Variants in CTNND2 observed in about 807,000 individuals in gnomAD.
CTNND2 encodes catenin delta-2.
In CTNND2, 22 loss-of-function variants were observed where a neutral mutation model predicts 144.4. The ratio of observed to expected loss-of-function variants is 0.15; its 90% CI spans 0.11 to 0.22. The LOEUF (loss-of-function observed/expected upper bound fraction) is 0.22, where lower values mean the gene tolerates loss of function less well. CTNND2 is among the 10% of genes least tolerant of loss of function. The pLI is 1.00. For synonymous variants in CTNND2, 751 were observed against 695.6 expected, an observed-to-expected ratio of 1.08 and a Z score of -1.25; for missense variants, 1,353 against 1,618.8, an observed-to-expected ratio of 0.84 and a Z score of 2.82.
chr5:11,715,782 A>C lies in CTNND2; in HGVS notation c.174+16354T>G, dbSNP rs116730363. The stretch of plus-strand genomic sequence containing the variant: ...TAGTTAGAATGCATTTGGTTGCGAC[A>C]GAAGGTCAATGTGAGCTAGTTTAAG... On this transcript the variant is annotated intron_variant, in intron 2 of 21. Transcript: ENST00000304623. Among the ~76,000 whole-genome samples the C allele has an allele frequency of 4.0e-3, 606 of 152,356 alleles. 6 individuals carry two copies. Among genetic ancestry groups the C allele is most frequent in the African/African-American group, 0.014 (576 of 41,588 alleles).
chr5:11,090,741 G>C (rs991280589), intron 15 of CTNND2, among the ~76,000 whole-genome samples: 1 of 152,132 alleles, frequency 6.6e-6, no homozygotes, highest in Non-Finnish European at 1.5e-5. Context: ...GGCTGTGTCT[G>C]CTAGACACCA....
intron 9 of CTNND2, among the ~76,000 whole-genome samples, chr5:11,253,304 A>G (rs544469428): frequency 6.6e-6 from 1 of 152,252 alleles, no homozygotes; most frequent in African/African-American, 2.4e-5. Context: ...TATTCAATTA[A>G]GGACTATTGA....
chr5:11,171,867 A>G (rs1759957941), intron 11 of CTNND2, among the ~76,000 whole-genome samples: 1 of 152,174 alleles, frequency 6.6e-6, no homozygotes, highest in Non-Finnish European at 1.5e-5. Flanking sequence ...AAAAGTGAGC[A>G]AAGGCTTACA....
In CTNND2 at chr5:11,556,780, G is replaced by T. The variant is rs562950907; in HGVS notation, c.287+8164C>A. Among the ~76,000 whole-genome samples, 4 of 152,280 alleles carry T rather than the reference G, an allele frequency of 2.6e-5. No individual in the cohort carries two copies. The East Asian group carries it at 7.7e-4, about 29-fold the overall frequency. On this transcript the variant is annotated intron_variant, in intron 3 of 21. Coordinates refer to ENST00000304623, the MANE Select transcript of CTNND2 (RefSeq NM_001332.4). ...TTTGCAAAAGTTCAATAGTTCAAAG[G>T]TGGGAAGAAAAGAAAGCACTTCCTT... is the stretch of plus-strand genomic sequence containing the variant.
At chr5:11,662,191 A>G (rs1783276395) in intron 2 of CTNND2, among the ~76,000 whole-genome samples, 1 of 139,160 alleles carries the variant, frequency 7.2e-6, no homozygotes, top group Non-Finnish European at 1.5e-5. Flanking sequence ...ATATGTGTAT[A>G]TATGTGTATA....
intron 20 of CTNND2, among the ~76,000 whole-genome samples, chr5:10,984,278 A>T (rs1256913405): frequency 6.6e-6 from 1 of 152,224 alleles, no homozygotes; most frequent in Admixed American, 6.5e-5. Flanking sequence ...GTGGACACCC[A>T]TAGAGTAAGT....
chr5:11,052,587 T>C (rs763758311), intron 16 of CTNND2, among the ~76,000 whole-genome samples: 1 of 152,152 alleles, frequency 6.6e-6, no homozygotes, highest in Non-Finnish European at 1.5e-5. Flanking sequence ...AGTCTTAGCA[T>C]TGGGAGATTC....
chr5:11,051,899 GCTT>G (rs1465517923), intron 16 of CTNND2, among the ~76,000 whole-genome samples: 2 of 152,102 alleles, frequency 1.3e-5, no homozygotes, highest in Non-Finnish European at 2.9e-5. Context: ...TTTGTTTATT[GCTT>G]CTTCACTACG....
At chr5:11,630,398 A>T (rs1781356365) in intron 2 of CTNND2, among the ~76,000 whole-genome samples, 1 of 152,154 alleles carries the variant, frequency 6.6e-6, no homozygotes, top group African/African-American at 2.4e-5. Context: ...TGATCAGCAA[A>T]CACTGCAACC....
chr5:11,440,387 G>A (rs375242870), intron 3 of CTNND2, among the ~76,000 whole-genome samples: 15 of 152,154 alleles, frequency 9.9e-5, no homozygotes, highest in African/African-American at 3.4e-4. Flanking sequence ...GGCTTTAATT[G>A]TGATATGCTA....
chr5:11,776,205 G>A (rs1408364282), intron 1 of CTNND2, among the ~76,000 whole-genome samples: 1 of 152,122 alleles, frequency 6.6e-6, no homozygotes, highest in African/African-American at 2.4e-5. Flanking sequence ...ACAATGGTGG[G>A]GGCAGAATCC....
At chr5:11,386,342 A>C (rs2149802067) in intron 6 of CTNND2, among the ~76,000 whole-genome samples, 1 of 152,254 alleles carries the variant, frequency 6.6e-6, no homozygotes, top group Non-Finnish European at 1.5e-5. Flanking sequence ...CTCCAGAGAG[A>C]TCGAGGGAAG....
chr5:11,497,527 G>T (rs61757513), intron 3 of CTNND2, among the ~76,000 whole-genome samples: 853 of 81,778 alleles, frequency 0.01, 83 homozygotes, highest in African/African-American at 0.043. Flanking sequence ...GGTGGGGGGG[G>T]GCAATATGTG....
intron 3 of CTNND2, among the ~76,000 whole-genome samples, chr5:11,514,325 C>T (rs1581384475): frequency 6.6e-6 from 1 of 152,092 alleles, no homozygotes; most frequent in East Asian, 1.9e-4. Context: ...GGCTACATAT[C>T]CAAGGTAATC....
intron 16 of CTNND2, among the ~76,000 whole-genome samples, chr5:11,057,896 T>C (rs1400354201): frequency 6.6e-6 from 1 of 152,142 alleles, no homozygotes; most frequent in Admixed American, 6.5e-5. Flanking sequence ...TAACTCTTGT[T>C]ATATTTTAAA....
intron 18 of CTNND2, among the ~76,000 whole-genome samples, chr5:10,992,918 G>A (rs1262229778): frequency 6.6e-6 from 1 of 152,078 alleles, no homozygotes; most frequent in African/African-American, 2.4e-5. Context: ...TTGAATAAAT[G>A]GTCCCTTTAC....
chr5:11,408,212 T>C (rs781611454), intron 5 of CTNND2, among the ~76,000 whole-genome samples: 4 of 152,130 alleles, frequency 2.6e-5, no homozygotes. Flanking sequence ...TTCTGTTCAG[T>C]TAAACTCTTT....
At chr5:11,230,347 C>A (rs1580652663) in intron 10 of CTNND2, among the ~76,000 whole-genome samples, 1 of 107,264 alleles carries the variant, frequency 9.3e-6, no homozygotes, top group East Asian at 3.1e-4. Flanking sequence ...TGCACATGTA[C>A]CCTAAAACTT....
chr5:11,428,845 C>A (rs2149869420), intron 3 of CTNND2, among the ~76,000 whole-genome samples: 1 of 152,292 alleles, frequency 6.6e-6, no homozygotes, highest in Non-Finnish European at 1.5e-5. Context: ...TGTATAACCT[C>A]ATTTGGAATA....
Sources: gnomAD v4.1 joint callset for allele counts (sites outside exome capture counted in the v4.1 genomes callset) on GRCh38, gnomAD v4.1.1 for gene constraint, MANE v1.5 for transcripts, NCBI Gene and HGNC (gene_info 2026-07-23, HGNC 2026-07-21) for gene names.